The following PCDHA1 variants were observed in gnomAD, a reference collection of about 807,000 sequenced individuals.
PCDHA1 encodes the protein protocadherin alpha-1.
In PCDHA1, 42 loss-of-function variants were observed where a neutral mutation model predicts 61.3. The observed-to-expected ratio is 0.69, with a 90% CI of 0.54 to 0.89. PCDHA1 has a LOEUF of 0.89. PCDHA1 is among the 40% of genes least tolerant of loss of function. PCDHA1 has a pLI of 0.00. For synonymous variants in PCDHA1, 610 were observed against 553.8 expected, an observed-to-expected ratio of 1.10 and a Z score of -1.43; for missense variants, 1,256 against 1,235.3, an observed-to-expected ratio of 1.02 and a Z score of -0.25.
intron 1 of PCDHA1, among the ~76,000 whole-genome samples, chr5:140,961,132 T>G (rs1186627628): frequency 6.6e-6 from 1 of 152,238 alleles, no homozygotes; most frequent in Admixed American, 6.5e-5. Context: ...GTCTTGGCAC[T>G]TAAGAGTTGG....
rs551770295 is a variant in PCDHA1, at chr5:140,794,863, G to A, written c.2394+6179G>A. 7.0e-6 allele frequency: 9 copies of A among 1,282,764 alleles called. No individual in the cohort carries two copies. The Admixed American group carries it at 1.2e-4, about 17-fold the overall frequency. The allele number at this position is 1,282,764 out of a possible 1,614,324, so 79.5% of individuals were successfully genotyped here. On this transcript the variant is annotated intron_variant, in intron 1 of 3. Coordinates refer to ENST00000504120, the MANE Select transcript of PCDHA1 (RefSeq NM_018900.4). ...AGAGCCCCTTTGTTACTTCAGAGAA[G>A]CGGAGGAATAAGAGAAGCAGCAGGA...
chr5:140,894,525 A>G (rs544789222), intron 1 of PCDHA1, among the ~76,000 whole-genome samples: 11 of 151,856 alleles, frequency 7.2e-5, no homozygotes, highest in African/African-American at 2.7e-4. Context: ...ATATGCTGTT[A>G]TGTGCCTTCT....
intron 1 of PCDHA1, chr5:140,848,337 C>A (rs1402833811): frequency 1.3e-5 from 11 of 873,306 alleles, no homozygotes; most frequent in South Asian, 1.7e-5. Context: ...TGAATCCAGA[C>A]AAATACAGCC....
chr5:140,833,447 A>G lies in PCDHA1; in HGVS notation c.2394+44763A>G, dbSNP rs2150208593. On this transcript the variant is annotated intron_variant, in intron 1 of 3. Transcript: ENST00000504120. ...GATGGCTGAGCACTGAAATTTATCT[A>G]ATAAAATAAACTTACATTTTAAAAG... Among the ~76,000 whole-genome samples, 6 of 152,344 alleles carry G rather than the reference A, an allele frequency of 3.9e-5. No homozygotes were observed. The East Asian group carries it at 1.2e-3, about 29-fold the overall frequency.
intron 1 of PCDHA1, chr5:140,927,919 C>G (rs782561454): frequency 6.2e-7 from 1 of 1,614,216 alleles, no homozygotes; most frequent in Non-Finnish European, 8.5e-7. Context: ...ACTGGACTTC[C>G]TGACTCTTTC....
At position 140,850,869 on chromosome 5, in the gene PCDHA1, T is replaced by C. The variant is rs1204218607; in HGVS notation, c.2394+62185T>C. 3.3e-5 allele frequency: 52 copies of C among 1,591,956 alleles called. 5 individuals carry two copies. The highest frequency in any genetic ancestry group is 4.2e-5 in the Non-Finnish European group (49 of 1,163,508). ...AGAGCGAACGGGAGAACCCTCTGCT[T>C]CCTCAGATTCAACTGGGAAGGTGGG... On this transcript the variant is annotated intron_variant, in intron 1 of 3. Coordinates refer to ENST00000504120, the MANE Select transcript of PCDHA1 (RefSeq NM_018900.4).
At chr5:140,885,050 C>T (rs1183142093) in intron 1 of PCDHA1, among the ~76,000 whole-genome samples, 3 of 152,164 alleles carry the variant, frequency 2.0e-5, no homozygotes, top group African/African-American at 7.2e-5. Context: ...TTAATGTATA[C>T]ATATACCCAC....
intron 1 of PCDHA1, chr5:140,841,898 G>A: frequency 1.9e-6 from 3 of 1,613,824 alleles, no homozygotes; most frequent in African/African-American, 1.3e-5. Context: ...TAAACTGGTT[G>A]AGCTCGTATT....
At chr5:140,855,274 C>T (rs1395531351) in intron 1 of PCDHA1, among the ~76,000 whole-genome samples, 1 of 149,676 alleles carries the variant, frequency 6.7e-6, no homozygotes, top group Non-Finnish European at 1.5e-5. Flanking sequence ...TTCACTCAAC[C>T]ACCGTATTAC....
At chr5:140,981,378 A>G (rs1386165836) in intron 2 of PCDHA1, among the ~76,000 whole-genome samples, 3 of 152,186 alleles carry the variant, frequency 2.0e-5, no homozygotes, top group Non-Finnish European at 4.4e-5. Flanking sequence ...GTTCAAGACC[A>G]GCCTGGTCAA....
rs2098421094 is a variant in PCDHA1 at position 141,011,574 on chromosome 5, TAAATC to T, written c.*1640_*1644del. ...GAAAGACACAGTAAAATTTCTTTCT[TAAATC>T]AAGATACTGGTGATTCAAGGAATTT... On this transcript the variant is annotated 3_prime_UTR_variant, in exon 4 of 4. Transcript: ENST00000504120. 1.3e-5 allele frequency: 2 copies of T among 153,802 alleles called. No individual in the cohort carries two copies. 9.5% of individuals were successfully genotyped at this position (153,802 alleles called of 1,614,324 possible).
At chr5:140,818,270 T>G (rs2150100638) in intron 1 of PCDHA1, among the ~76,000 whole-genome samples, 1 of 152,366 alleles carries the variant, frequency 6.6e-6, no homozygotes, top group African/African-American at 2.4e-5. Context: ...CTTTTTCTCT[T>G]TGTTTCATAA....
At chr5:140,804,834 T>C (rs1023303895) in intron 1 of PCDHA1, 7 of 415,932 alleles carry the variant, frequency 1.7e-5, no homozygotes, top group Non-Finnish European at 3.0e-5. Flanking sequence ...TAATACTCAT[T>C]GACAGTGTGG....
intron 1 of PCDHA1, chr5:140,795,451 G>A: frequency 1.9e-6 from 3 of 1,614,168 alleles, no homozygotes; most frequent in Non-Finnish European, 2.5e-6. Flanking sequence ...TGCAGATATA[G>A]GAGTAAATGC....
intron 1 of PCDHA1, among the ~76,000 whole-genome samples, chr5:140,894,986 A>G (rs1380930076): frequency 6.6e-6 from 1 of 152,194 alleles, no homozygotes; most frequent in Non-Finnish European, 1.5e-5. Flanking sequence ...ACTTTGTGAC[A>G]TCCTTTACCC....
intron 1 of PCDHA1, among the ~76,000 whole-genome samples, chr5:140,885,118 C>CT (rs782576516): frequency 6.6e-6 from 1 of 152,022 alleles, no homozygotes; most frequent in Non-Finnish European, 1.5e-5. Context: ...TTTAAGTGCA[C>CT]TTTTCTTTCT....
At chr5:140,842,863 C>A (rs1431713195) in intron 1 of PCDHA1, 4 of 1,593,844 alleles carry the variant, frequency 2.5e-6, no homozygotes, top group African/African-American at 1.3e-5. Context: ...ACACGGAGAG[C>A]GGCAAGGTGT....
chr5:140,834,556 A>G (rs2150220924), intron 1 of PCDHA1: 2 of 1,613,934 alleles, frequency 1.2e-6, no homozygotes, highest in African/African-American at 2.7e-5. Context: ...GAGCTGGCGG[A>G]GCTGGTGCCG....
At chr5:140,807,265 A>G in intron 1 of PCDHA1, 1 of 1,614,220 alleles carries the variant, frequency 6.2e-7, no homozygotes. Flanking sequence ...CCTGGGAGGC[A>G]GGGAACGGTC....
Sources: gnomAD v4.1 joint callset for allele counts (sites outside exome capture counted in the v4.1 genomes callset) on GRCh38, gnomAD v4.1.1 for gene constraint, MANE v1.5 for transcripts, NCBI Gene and HGNC (gene_info 2026-07-23, HGNC 2026-07-21) for gene names.